The following CHD4 variants were observed in gnomAD, a reference collection of about 807,000 sequenced individuals.
The protein encoded by CHD4 is chromodomain helicase DNA binding protein 4.
In CHD4, 35 loss-of-function variants were observed where a neutral mutation model predicts 235.5. That is an observed-to-expected ratio of 0.15 (90% CI 0.11 to 0.20). The LOEUF (loss-of-function observed/expected upper bound fraction) is 0.20. Ranked by LOEUF, CHD4 falls within the 10% of genes least tolerant of loss-of-function variation. The pLI is 1.00. For missense variants in CHD4, 1,329 were observed against 2,432.3 expected, an observed-to-expected ratio of 0.55 and a Z score of 9.54; for synonymous variants, 900 against 850.2, an observed-to-expected ratio of 1.06 and a Z score of -1.02.
intron 2 of CHD4, among the ~76,000 whole-genome samples, chr12:6,603,703 C>CA (rs1337092609): frequency 6.6e-6 from 1 of 152,144 alleles, no homozygotes; most frequent in Non-Finnish European, 1.5e-5. Flanking sequence ...GAAAGCGAGA[C>CA]AAACATGAAG....
At chr12:6,578,214 G>T in intron 35 of CHD4, 77 bp from the exon 36 acceptor site, 1 of 1,406,968 alleles carries the variant, frequency 7.1e-7, no homozygotes, top group Non-Finnish European at 1.0e-6. Flanking sequence ...ACTTATTCTT[G>T]TCCCCCACCA....
Position 6,593,408 on chromosome 12 carries a change from T to C in CHD4, c.2514+8A>G, listed in dbSNP as rs1592274791. ...TTTCTCTAGGGTGGCTTCCCTCCCC[T>C]GAGATACCTTCATGCGGGAGGCCTT... On this transcript the variant is annotated splice_region_variant and intron_variant, in intron 16 of 39. Transcript: ENST00000544040. This position sits in a 1 kb window ranked among gnomAD's most constrained non-coding sequence, Gnocchi z 4.9. The C allele has an allele frequency of 6.2e-7, 1 of 1,605,166 alleles. No individual in the cohort carries two copies. Among genetic ancestry groups the C allele is most frequent in the Non-Finnish European group, 8.5e-7 (1 of 1,171,904 alleles).
chr12:6,572,728 A>T (rs1947997098), intron 38 of CHD4, among the ~76,000 whole-genome samples: 1 of 152,062 alleles, frequency 6.6e-6, no homozygotes, highest in Admixed American at 6.5e-5. Flanking sequence ...TGCCCAGCTA[A>T]TTTTTCTATT....
intron 38 of CHD4, among the ~76,000 whole-genome samples, chr12:6,572,564 CTTT>C (rs930741658): frequency 1.3e-5 from 2 of 151,854 alleles, no homozygotes; most frequent in African/African-American, 4.8e-5. Context: ...GAGCCCATCT[CTTT>C]TTTTTCTGGA....
At chr12:6,581,534 A>T in intron 31 of CHD4, 115 bp downstream of exon 31, 1 of 1,548,196 alleles carries the variant, frequency 6.5e-7, no homozygotes, top group Non-Finnish European at 8.9e-7. Flanking sequence ...CTAAACTGAG[A>T]GGGAATTGCT....
chr12:6,600,295 A>G lies in CHD4; in HGVS notation c.1164T>C (p.Cys388=). 6.2e-7 allele frequency: 1 copy of G among 1,614,140 alleles called. No homozygotes were observed. The highest frequency in any genetic ancestry group is 8.5e-7 in the Non-Finnish European group (1 of 1,180,010). The stretch of plus-strand genomic sequence containing the variant: ...GGCAGACCATGTGGTAAGCACGGGG[A>G]CAGGTATCACACAGGATGATCTCAC... ...QGGEIILCDT[C]PRAYHMVCLD... The change falls in exon 9 of 40, where the codon TGT becomes TGC. Residue 388 remains cysteine (C), a synonymous_variant. Transcript: ENST00000544040.
rs930974034 is a variant in CHD4 at position 6,571,373 on chromosome 12, G to A, written c.5558-341C>T. 1.0e-4 allele frequency: 26 copies of A among 249,944 alleles called. No individual in the cohort carries two copies. The East Asian group carries it at 1.4e-3, about 13-fold the overall frequency. 15.5% of individuals were successfully genotyped at this position (249,944 alleles called of 1,614,324 possible). ...CATTCTTTTCCTTATTTCACCCTCC[G>A]CCTCCTCATAACCTTTTACTTTAAT... is the stretch of plus-strand genomic sequence containing the variant. On this transcript the variant is annotated intron_variant, in intron 38 of 39. Transcript: ENST00000544040.
rs144662304 is a variant in CHD4, at chr12:6,597,986, G to A, written c.1800C>T (p.Asn600=). ...CCATCTCTGCAAATTTAGGGTCCTT[G>A]TTCTTTCGCTTTCGGCTTTTCTCTT... is the stretch of plus-strand genomic sequence containing the variant. The part of the protein sequence containing the change: ...GDEEKSRKRK[N]KDPKFAEMEE... Residue 600 remains asparagine, a synonymous_variant, in exon 12 of 40, where the codon AAC becomes AAT. Coordinates refer to ENST00000544040, the MANE Select transcript of CHD4 (RefSeq NM_001273.5). 1.2e-4 allele frequency: 199 copies of A among 1,614,192 alleles called. 1 individual carries two copies. The African/African-American group carries it at 2.4e-3, about 19-fold the overall frequency.
intron 18 of CHD4, 37 bp from the exon 19 acceptor site, chr12:6,592,603 G>C: frequency 1.3e-6 from 2 of 1,583,220 alleles, no homozygotes; most frequent in Non-Finnish European, 1.7e-6. Flanking sequence ...ATTGGAGAAG[G>C]AGAAAGGAAG....
At chr12:6,576,699 G>A (rs1182305313) in intron 37 of CHD4, among the ~76,000 whole-genome samples, 2 of 152,018 alleles carry the variant, frequency 1.3e-5, no homozygotes, top group African/African-American at 2.4e-5. Context: ...TCCGCCTCCC[G>A]GGTTCAAGCG....
At chr12:6,592,148 A>T in intron 19 of CHD4, 91 bp from the exon 20 acceptor site, 1 of 1,506,706 alleles carries the variant, frequency 6.6e-7, no homozygotes, top group Non-Finnish European at 9.1e-7. Flanking sequence ...TTCTTCCAAC[A>T]CATCCCACTT....
At chr12:6,601,559 G>A (rs201755804) in intron 5 of CHD4, 29 bp from the exon 6 acceptor site, 81 of 1,613,828 alleles carry the variant, frequency 5.0e-5, no homozygotes, top group Middle Eastern at 5.0e-4. Flanking sequence ...AGAGCAGAGG[G>A]AAAGGTTTAA....
intron 10 of CHD4, among the ~76,000 whole-genome samples, chr12:6,599,347 G>A (rs1266072351): frequency 1.3e-5 from 2 of 151,974 alleles, no homozygotes; most frequent in African/African-American, 2.4e-5. Context: ...GGTTGAGATA[G>A]GAGGATCACT....
intron 9 of CHD4, 85 bp downstream of exon 9, chr12:6,600,132 C>T (rs777070683): frequency 1.8e-5 from 28 of 1,556,674 alleles, no homozygotes; most frequent in Non-Finnish European, 2.4e-5. Flanking sequence ...ACCAGCATTT[C>T]CATTTCCATC....
intron 37 of CHD4, among the ~76,000 whole-genome samples, chr12:6,575,495 G>C (rs964411812): frequency 6.6e-6 from 1 of 151,220 alleles, no homozygotes; most frequent in South Asian, 2.1e-4. Context: ...TTTTGGTTTG[G>C]GGGGAGAAAA....
At chr12:6,603,597 C>T (rs1948636505) in intron 2 of CHD4, among the ~76,000 whole-genome samples, 1 of 151,942 alleles carries the variant, frequency 6.6e-6, no homozygotes, top group African/African-American at 2.4e-5. Flanking sequence ...TAGAAGCCTC[C>T]CCAAATTACC....
chr12:6,582,131 G>A lies in CHD4; in HGVS notation c.4515+6C>T, dbSNP rs372493471. 195 of 1,562,142 alleles carry A rather than the reference G, an allele frequency of 1.2e-4. No homozygotes were observed. The African/African-American group carries it at 2.5e-3, about 20-fold the overall frequency. ...TAGAAACAATGGCAAGAGGCTCAGG[G>A]CTCACCTTCTTGCGAATCAAAGACA... On this transcript the variant is annotated splice_donor_region_variant and intron_variant, in intron 30 of 39. Transcript: ENST00000544040.
intron 28 of CHD4, 34 bp downstream of exon 28, chr12:6,582,814 C>CACTCACCCCTCCTTAGA: frequency 6.2e-7 from 1 of 1,613,976 alleles, no homozygotes. Flanking sequence ...CAATATCTGA[C>CACTCACCCCTCCTTAGA]ACTCACCCCT....
Position 6,602,047 on chromosome 12 carries a change from C to G in CHD4, c.351G>C (p.Lys117Asn), listed in dbSNP as rs373847415. 1.2e-6 allele frequency: 2 copies of G among 1,613,120 alleles called. No homozygotes were observed. The highest frequency in any genetic ancestry group is 1.7e-5 in the Admixed American group (1 of 59,972). The change falls in exon 4 of 40, where the codon AAG (lysine) becomes AAC (asparagine). Residue 117 changes from lysine to asparagine, a missense_variant. Physicochemically the swap from Lys to Asn is moderately conservative, Grantham distance 94. Coordinates refer to ENST00000544040, the MANE Select transcript of CHD4 (RefSeq NM_001273.5). ...TCTCTTTCTTAGGTCCAAGCTTCTT[C>G]TTCTTCTTCTTGCCAGGAGTATAGT... ...GSDYTPGKKK[K>N]KKLGPKKEKK... is the part of the protein sequence containing the mutation.
Sources: allele counts gnomAD v4.1 joint callset (sites outside exome capture counted in the v4.1 genomes callset), GRCh38; gene constraint gnomAD v4.1.1; non-coding constraint Gnocchi (gnomAD v3.1); transcripts MANE v1.5; gene names NCBI Gene and HGNC (gene_info 2026-07-23, HGNC 2026-07-21).